UBE3D: variants seen among roughly 807,000 people sequenced by gnomAD.
The protein encoded by UBE3D is E3 ubiquitin-protein ligase E3D.
UBE3D carries 48 observed loss-of-function variants against 49.6 expected under a neutral mutation model. The observed-to-expected ratio is 0.97, with a 90% CI of 0.77 to 1.23. UBE3D has a LOEUF of 1.23. Ranked by LOEUF, UBE3D falls within the 50% of genes most tolerant of loss-of-function variation. UBE3D has a pLI of 0.00. For missense variants in UBE3D, 452 were observed against 468.4 expected (o/e 0.96, Z 0.32); for synonymous variants, 189 against 174.2 (o/e 1.08, Z -0.67).
chr6:83,060,612 A>G (rs1784112568), intron 1 of UBE3D, among the ~76,000 whole-genome samples: 1 of 152,194 alleles, frequency 6.6e-6, no homozygotes, highest in African/African-American at 2.4e-5. Context: ...TGTAAAGGCC[A>G]TTTTCTGCTT....
chr6:82,988,906 C>G (rs1458191261), intron 8 of UBE3D, among the ~76,000 whole-genome samples: 1 of 151,250 alleles, frequency 6.6e-6, no homozygotes, highest in African/African-American at 2.4e-5. Context: ...CAGAATTAAG[C>G]CCAATTCTAA....
chr6:83,057,560 G>A (rs1783889889), intron 2 of UBE3D, among the ~76,000 whole-genome samples: 1 of 152,168 alleles, frequency 6.6e-6, no homozygotes, highest in Non-Finnish European at 1.5e-5. Flanking sequence ...AAAGAAACAA[G>A]GCAGTGGGTA....
intron 4 of UBE3D, among the ~76,000 whole-genome samples, chr6:83,039,353 G>A (rs892310316): frequency 1.3e-5 from 2 of 152,140 alleles, no homozygotes; most frequent in African/African-American, 2.4e-5. Flanking sequence ...GATAATATGT[G>A]TATTTAATCT....
intron 3 of UBE3D, among the ~76,000 whole-genome samples, chr6:83,047,269 TA>T (rs1783124513): frequency 1.3e-5 from 2 of 152,146 alleles, no homozygotes; most frequent in Non-Finnish European, 2.9e-5. Context: ...CTGCTTACGG[TA>T]AAAATGATCC....
chr6:83,001,374 G>A (rs16879772), intron 8 of UBE3D, among the ~76,000 whole-genome samples: 8,220 of 152,220 alleles, frequency 0.054, 363 homozygotes, highest in East Asian at 0.15. Flanking sequence ...TTTGCTGAAC[G>A]AATCAATGAC....
In UBE3D at chr6:83,035,386, C is replaced by A. The variant is rs534753736; in HGVS notation, c.667+3030G>T. ...ATGATTTATATTTTATGGTGAATTA[C>A]TAAGAAAAATAAACCTTTGAGAATT... On this transcript the variant is annotated intron_variant, in intron 5 of 9. Coordinates refer to ENST00000369747, the MANE Select transcript of UBE3D (RefSeq NM_198920.3). 1.1e-4 allele frequency among the ~76,000 whole-genome samples: 17 copies of A among 152,188 alleles called. No individual in the cohort carries two copies. The East Asian group carries it at 2.7e-3, about 24-fold the overall frequency.
At chr6:83,038,196 C>T in intron 5 of UBE3D, 1 of 404,006 alleles carries the variant, frequency 2.5e-6, no homozygotes, top group Non-Finnish European at 4.3e-6. Flanking sequence ...AATGACTCAA[C>T]TTCTTAATAC....
intron 9 of UBE3D, among the ~76,000 whole-genome samples, chr6:82,933,575 G>A (rs1233653014): frequency 1.3e-5 from 2 of 152,144 alleles, no homozygotes; most frequent in African/African-American, 2.4e-5. Context: ...GACTCCATAG[G>A]TAGAGTGTAG....
chr6:82,974,336 C>A (rs1777562176), intron 8 of UBE3D, among the ~76,000 whole-genome samples: 1 of 152,050 alleles, frequency 6.6e-6, no homozygotes, highest in Non-Finnish European at 1.5e-5. Flanking sequence ...CCTACGTATC[C>A]ATAGGGGATT....
At chr6:83,011,306 G>C (rs1780321013) in intron 8 of UBE3D, among the ~76,000 whole-genome samples, 1 of 152,120 alleles carries the variant, frequency 6.6e-6, no homozygotes, top group Admixed American at 6.5e-5. Flanking sequence ...TCTGCAACTG[G>C]TCACCTGGTC....
intron 8 of UBE3D, among the ~76,000 whole-genome samples, chr6:83,015,205 T>C (rs1451019888): frequency 1.3e-5 from 2 of 152,188 alleles, no homozygotes; most frequent in Non-Finnish European, 2.9e-5. Flanking sequence ...AGGTGCTGCC[T>C]TCACAAATCT....
intron 9 of UBE3D, among the ~76,000 whole-genome samples, chr6:82,903,863 T>C (rs1771911296): frequency 6.6e-6 from 1 of 152,154 alleles, no homozygotes; most frequent in South Asian, 2.1e-4. Context: ...GGGAACAAGC[T>C]GAAAAGCTGA....
intron 9 of UBE3D, among the ~76,000 whole-genome samples, chr6:82,897,317 G>A (rs1371355183): frequency 5.3e-5 from 8 of 152,206 alleles, no homozygotes; most frequent in East Asian, 1.9e-4. Flanking sequence ...TTGGCCAGGC[G>A]CGGTGGCTCA....
chr6:82,962,127 A>G (rs1776603748), intron 8 of UBE3D, among the ~76,000 whole-genome samples: 1 of 152,098 alleles, frequency 6.6e-6, no homozygotes, highest in African/African-American at 2.4e-5. Context: ...GGGGCAATAC[A>G]TTCACAGTTG....
At chr6:82,881,840 C>T in the UBE3D span, among the ~76,000 whole-genome samples, 4 of 152,178 alleles carry the variant, frequency 2.6e-5, no homozygotes, top group African/African-American at 9.6e-5. Flanking sequence ...AGTTTCCTCA[C>T]ATATAAACTG....
intron 5 of UBE3D, among the ~76,000 whole-genome samples, chr6:83,033,640 C>A (rs1405112896): frequency 6.6e-6 from 1 of 152,146 alleles, no homozygotes; most frequent in East Asian, 1.9e-4. Flanking sequence ...ATGTGAGATG[C>A]CTCACTCCTC....
At chr6:82,960,756 C>G (rs1776490433) in intron 8 of UBE3D, among the ~76,000 whole-genome samples, 1 of 151,874 alleles carries the variant, frequency 6.6e-6, no homozygotes, top group African/African-American at 2.4e-5. Flanking sequence ...TTAAAAGTTG[C>G]CTCAATGTTG....
chr6:83,056,538 T>C (rs955734561), intron 2 of UBE3D, among the ~76,000 whole-genome samples: 2 of 152,142 alleles, frequency 1.3e-5, no homozygotes, highest in East Asian at 3.9e-4. Flanking sequence ...ATTCCTAGTA[T>C]TTATCCTACA....
At chr6:82,885,891 T>G in the UBE3D span, among the ~76,000 whole-genome samples, 1 of 152,172 alleles carries the variant, frequency 6.6e-6, no homozygotes, top group East Asian at 1.9e-4. Flanking sequence ...TCTTTCCAAA[T>G]CTTAATAATC....
Sources: gnomAD v4.1 joint callset for allele counts (sites outside exome capture counted in the v4.1 genomes callset) on GRCh38, gnomAD v4.1.1 for gene constraint, MANE v1.5 for transcripts, NCBI Gene and HGNC (gene_info 2026-07-23, HGNC 2026-07-21) for gene names.